PRELID2: variants seen among roughly 807,000 people sequenced by gnomAD.
PRELID2 encodes the protein PRELI domain-containing protein 2.
In PRELID2, 25 loss-of-function variants were observed where a neutral mutation model predicts 28.4. The ratio of observed to expected loss-of-function variants is 0.88; its 90% CI spans 0.64 to 1.23. PRELID2 has a LOEUF of 1.23. Ranked by LOEUF, PRELID2 falls within the 50% of genes most tolerant of loss-of-function variation. The pLI is 0.00. For synonymous variants in PRELID2, 76 were observed against 71.6 expected (o/e 1.06, Z -0.31); for missense variants, 201 against 214.4 (o/e 0.94, Z 0.39).
the PRELID2 span, among the ~76,000 whole-genome samples, chr5:145,365,469 C>T: frequency 6.6e-6 from 1 of 151,800 alleles, no homozygotes; most frequent in African/African-American, 2.4e-5. Context: ...GTGACTTACA[C>T]GTGGAGCCAA....
At chr5:145,384,933 G>C in the PRELID2 span, among the ~76,000 whole-genome samples, 64 of 152,152 alleles carry the variant, frequency 4.2e-4, no homozygotes, top group African/African-American at 1.4e-3. Flanking sequence ...CTCTAATACT[G>C]GTAATGACAT....
the PRELID2 span, among the ~76,000 whole-genome samples, chr5:145,326,139 G>A: frequency 6.6e-6 from 1 of 152,118 alleles, no homozygotes; most frequent in South Asian, 2.1e-4. Flanking sequence ...TAAGTACCTA[G>A]GACTACAGGC....
chr5:145,444,492 A>G, the PRELID2 span, among the ~76,000 whole-genome samples: 2 of 151,918 alleles, frequency 1.3e-5, no homozygotes, highest in Admixed American at 6.6e-5. Flanking sequence ...CCATTTTTCT[A>G]TAGCTCTGAG....
chr5:145,410,180 T>C, the PRELID2 span, among the ~76,000 whole-genome samples: 1 of 152,202 alleles, frequency 6.6e-6, no homozygotes, highest in African/African-American at 2.4e-5. Context: ...TCAAAGACTT[T>C]AATCTAAGAC....
At chr5:145,417,207 G>A in the PRELID2 span, among the ~76,000 whole-genome samples, 1 of 152,210 alleles carries the variant, frequency 6.6e-6, no homozygotes, top group African/African-American at 2.4e-5. Flanking sequence ...GGAAGAAATT[G>A]AATCCCCAAA....
At chr5:145,373,064 T>TAC in the PRELID2 span, among the ~76,000 whole-genome samples, 3 of 96,070 alleles carry the variant, frequency 3.1e-5, no homozygotes, top group African/African-American at 1.3e-4. Context: ...ATATATAATA[T>TAC]ATGATATATA....
chr5:145,457,827 A>G, the PRELID2 span, among the ~76,000 whole-genome samples: 1 of 152,180 alleles, frequency 6.6e-6, no homozygotes, highest in Non-Finnish European at 1.5e-5. Flanking sequence ...TATTGGGGTT[A>G]CATATTTGTA....
intron 1 of PRELID2, among the ~76,000 whole-genome samples, chr5:145,595,966 C>G (rs1753299071): frequency 6.6e-6 from 1 of 151,576 alleles, no homozygotes; most frequent in African/African-American, 2.4e-5. Flanking sequence ...TGGCACACAC[C>G]GATAGTTCCA....
chr5:145,438,191 A>G, the PRELID2 span, among the ~76,000 whole-genome samples: 1 of 152,154 alleles, frequency 6.6e-6, no homozygotes, highest in Non-Finnish European at 1.5e-5. Flanking sequence ...CAAACTCAGG[A>G]CAGAGACACT....
chr5:145,663,287 T>A (rs545187927), intron 1 of PRELID2, among the ~76,000 whole-genome samples: 14 of 152,250 alleles, frequency 9.2e-5, no homozygotes, highest in Non-Finnish European at 1.8e-4. Flanking sequence ...CCTACCAAGC[T>A]CACGTGCAAC....
chr5:145,230,560 CAG>C, the PRELID2 span, among the ~76,000 whole-genome samples: 1 of 151,612 alleles, frequency 6.6e-6, no homozygotes, highest in African/African-American at 2.4e-5. Flanking sequence ...GCCTGGGCAA[CAG>C]AGCGAGACTC....
the PRELID2 span, among the ~76,000 whole-genome samples, chr5:145,345,075 A>G: frequency 6.6e-6 from 1 of 152,058 alleles, no homozygotes. Context: ...CTATGATGTT[A>G]CTCCAAATTT....
chr5:145,781,720 T>A (rs1037445894), intron 5 of PRELID2, among the ~76,000 whole-genome samples: 8 of 145,724 alleles, frequency 5.5e-5, no homozygotes, highest in Non-Finnish European at 9.0e-5. Flanking sequence ...ACACACACAC[T>A]ATATATATAT....
At chr5:145,256,257 A>G in the PRELID2 span, among the ~76,000 whole-genome samples, 1 of 151,924 alleles carries the variant, frequency 6.6e-6, no homozygotes, top group Non-Finnish European at 1.5e-5. Context: ...ATCTTATCTC[A>G]GTAACACTGA....
At chr5:145,379,092 A>C in the PRELID2 span, among the ~76,000 whole-genome samples, 1 of 152,182 alleles carries the variant, frequency 6.6e-6, no homozygotes, top group Admixed American at 6.5e-5. Context: ...TAGGGGGCCA[A>C]TGCACAGCCC....
At chr5:145,681,991 ACT>A (rs1754945522) in intron 1 of PRELID2, among the ~76,000 whole-genome samples, 1 of 152,096 alleles carries the variant, frequency 6.6e-6, no homozygotes, top group Non-Finnish European at 1.5e-5. Context: ...ACTTCAAAAG[ACT>A]CTTGCAATAA....
At chr5:145,769,829 A>G (rs960568192) in intron 5 of PRELID2, among the ~76,000 whole-genome samples, 1 of 152,236 alleles carries the variant, frequency 6.6e-6, no homozygotes. Flanking sequence ...TCAATGGACC[A>G]TTGGCCTCTT....
chr5:145,816,831 T>C (rs1754336978), intron 4 of PRELID2, among the ~76,000 whole-genome samples: 1 of 152,104 alleles, frequency 6.6e-6, no homozygotes, highest in Non-Finnish European at 1.5e-5. Flanking sequence ...AGTTTTATTG[T>C]ATGCAAATAA....
intron 1 of PRELID2, among the ~76,000 whole-genome samples, chr5:145,743,603 A>ACC (rs75830134): frequency 7.9e-5 from 12 of 151,408 alleles, no homozygotes; most frequent in Admixed American, 2.0e-4. Context: ...GGGAATCCCC[A>ACC]CCCCCCAGCC....
Sources: gnomAD v4.1 joint callset for allele counts (sites outside exome capture counted in the v4.1 genomes callset) on GRCh38, gnomAD v4.1.1 for gene constraint, MANE v1.5 for transcripts, NCBI Gene and HGNC (gene_info 2026-07-23, HGNC 2026-07-21) for gene names.